RGL3: variants seen among roughly 807,000 people sequenced by gnomAD.
The protein encoded by RGL3 is ral guanine nucleotide dissociation stimulator-like 3.
A neutral mutation model predicts 90.6 loss-of-function variants in RGL3; 85 were observed. The ratio of observed to expected loss-of-function variants is 0.94; its 90% CI spans 0.79 to 1.12. The LOEUF (loss-of-function observed/expected upper bound fraction) is 1.12. Among genes scored for constraint, RGL3 ranks in the 50% most tolerant of loss-of-function variants. The pLI is 0.00. For missense variants in RGL3, 1,034 were observed against 939.2 expected (o/e 1.10, Z -1.32); for synonymous variants, 408 against 385.5 (o/e 1.06, Z -0.68).
chr19:11,416,861 G>A lies in RGL3; in HGVS notation c.346C>T (p.Pro116Ser). Residue 116 changes from proline to serine, a missense_variant, in exon 3 of 19, where the codon CCA becomes TCA. Pro to Ser is a moderately conservative substitution (Grantham distance 74, BLOSUM62 -1). Coordinates refer to ENST00000380456, the MANE Select transcript of RGL3 (RefSeq NM_001035223.4). Reference protein sequence around the residue: ...TACLLGFLLPPMPPPPPPGVE... With the variant: ...TACLLGFLLPSMPPPPPPGVE... The stretch of plus-strand genomic sequence containing the variant: ...CCGGGAGGTGGGGGCGGTGGCATTG[G>A]TGGCAGCAGAAAGCCCAGCAGGCAG... 6.2e-7 allele frequency: 1 copy of A among 1,613,948 alleles called. No individual in the cohort carries two copies. Among genetic ancestry groups the A allele is most frequent in the Non-Finnish European group, 8.5e-7 (1 of 1,179,930 alleles).
intron 7 of RGL3, among the ~76,000 whole-genome samples, chr19:11,405,862 AT>A (rs1968768225): frequency 6.7e-6 from 1 of 148,390 alleles, no homozygotes; most frequent in Admixed American, 6.7e-5. Context: ...CACCCGGCTA[AT>A]TTTTTTGTAA....
At chr19:11,410,725 T>G (rs1377246167) in intron 5 of RGL3, among the ~76,000 whole-genome samples, 1 of 151,296 alleles carries the variant, frequency 6.6e-6, no homozygotes, top group Admixed American at 6.6e-5. Flanking sequence ...GAAAAAAAAA[T>G]GCCCTACATC....
chr19:11,397,601 C>T lies in RGL3; in HGVS notation c.1747-4G>A. 1 of 1,545,652 alleles carries T rather than the reference C, an allele frequency of 6.5e-7. No homozygotes were observed. The highest frequency in any genetic ancestry group is 8.7e-7 in the Non-Finnish European group (1 of 1,143,324). ...GCAGGTCCAGGCTCAGGGGCAGCTG[C>T]AGGCAGTAAGGGGTGGAGGCTACAG... On this transcript the variant is annotated splice_region_variant and splice_polypyrimidine_tract_variant and intron_variant, in intron 16 of 18. Coordinates refer to ENST00000380456, the MANE Select transcript of RGL3 (RefSeq NM_001035223.4).
chr19:11,418,893 C>G, intron 1 of RGL3, 109 bp from the exon 2 acceptor site: 3 of 879,688 alleles, frequency 3.4e-6, no homozygotes, highest in Non-Finnish European at 5.0e-6. Flanking sequence ...CCCCACGCCC[C>G]TTCCCGGCCA....
At chr19:11,403,669 CA>C (rs1007541751) in intron 9 of RGL3, among the ~76,000 whole-genome samples, 12 of 147,940 alleles carry the variant, frequency 8.1e-5, no homozygotes, top group Non-Finnish European at 1.8e-4. Flanking sequence ...AAAAAGAAGC[CA>C]GGGGTTAAGG....
At position 11,418,618 on chromosome 19, in the gene RGL3, G is replaced by T. The variant is rs113730503; in HGVS notation, c.147+53C>A. ...GGCCTGTGCTCGGCTCTCCAGCTCCGCCCTCAACTGGTCGCTTCCGGCCCC... is the reference window on the plus strand; with the variant it reads ...GGCCTGTGCTCGGCTCTCCAGCTCCTCCCTCAACTGGTCGCTTCCGGCCCC... On this transcript the variant is annotated intron_variant, in intron 2 of 18. Coordinates refer to ENST00000380456, the MANE Select transcript of RGL3 (RefSeq NM_001035223.4). The T allele has an allele frequency of 2.2e-4, 314 of 1,397,538 alleles. 2 individuals carry two copies. The African/African-American group carries it at 3.9e-3, about 18-fold the overall frequency. 86.6% of individuals were successfully genotyped at this position (1,397,538 alleles called of 1,614,324 possible). A position where few individuals can be genotyped will look rare whatever the true frequency, so the allele number is the denominator to read the frequency against.
intron 9 of RGL3, among the ~76,000 whole-genome samples, chr19:11,403,094 G>A (rs1033441831): frequency 2.6e-5 from 4 of 151,862 alleles, no homozygotes; most frequent in African/African-American, 7.2e-5. Context: ...GAGTGCAGTG[G>A]CGCGATCTCG....
intron 5 of RGL3, 31 bp downstream of exon 5, chr19:11,415,906 C>T (rs1197075453): frequency 6.3e-7 from 1 of 1,575,086 alleles, no homozygotes; most frequent in Admixed American, 1.9e-5. Context: ...AAGGCCTTCT[C>T]AGAACACGAC....
intron 18 of RGL3, among the ~76,000 whole-genome samples, 157 bp downstream of exon 18, chr19:11,397,087 T>A (rs143896532): frequency 2.0e-5 from 3 of 152,148 alleles, no homozygotes; most frequent in African/African-American, 7.2e-5. Context: ...GTATTTTATG[T>A]CCTCTTACCT....
rs146472545 is a variant in RGL3 at position 11,400,066 on chromosome 19, G to A, written c.1623C>T (p.Pro541=). The part of the protein sequence containing the change: ...REKSSSPSGS[P]GDPSSPTSSV... Reference sequence around the variant, plus strand: ...TGGAGGTGGGGGATGAGGGGTCCCCGGGACTCCCACTAGGTGATGAGCTTT... The same window carrying A: ...TGGAGGTGGGGGATGAGGGGTCCCCAGGACTCCCACTAGGTGATGAGCTTT... Residue 541 remains proline (P), a synonymous_variant, in exon 15 of 19, where the codon CCC becomes CCT. Coordinates refer to ENST00000380456, the MANE Select transcript of RGL3 (RefSeq NM_001035223.4). 40 of 1,609,930 alleles carry A rather than the reference G, an allele frequency of 2.5e-5. No homozygotes were observed. The highest frequency in any genetic ancestry group is 1.3e-4 in the South Asian group (12 of 90,656).
At chr19:11,415,651 T>C (rs1171267659) in intron 5 of RGL3, among the ~76,000 whole-genome samples, 2 of 151,954 alleles carry the variant, frequency 1.3e-5, no homozygotes, top group African/African-American at 2.4e-5. Flanking sequence ...AATTTTGTAT[T>C]TTTAGTAGGG....
rs193102453 is a variant in RGL3, at chr19:11,394,088, C to T, written c.*314G>A. 13 of 271,296 alleles carry T rather than the reference C, an allele frequency of 4.8e-5. No individual in the cohort carries two copies. The East Asian group carries it at 4.9e-4, about 10-fold the overall frequency. 16.8% of individuals were successfully genotyped at this position (271,296 alleles called of 1,614,324 possible). ...CATAACTCTGGTCACTATTTTCATC[C>T]GCATCTGTCACTTCTGATGCGTCTC... On this transcript the variant is annotated 3_prime_UTR_variant, in exon 19 of 19. Transcript: ENST00000380456.
chr19:11,418,409 T>C (rs1969040698), intron 2 of RGL3: 2 of 526,534 alleles, frequency 3.8e-6, no homozygotes, highest in South Asian at 2.4e-5. Flanking sequence ...AACTCTGCCG[T>C]CCAGTTCTGT....
rs1185070890 is a variant in RGL3 at position 11,397,614 on chromosome 19, G to T, written c.1747-17C>A. The T allele has an allele frequency of 6.5e-7, 1 of 1,527,108 alleles. No individual in the cohort carries two copies. Among genetic ancestry groups the T allele is most frequent in the East Asian group, 2.4e-5 (1 of 40,966 alleles). 94.6% of individuals were successfully genotyped at this position (1,527,108 alleles called of 1,614,324 possible). A position where few individuals can be genotyped will look rare whatever the true frequency, so the allele number is the denominator to read the frequency against. On this transcript the variant is annotated splice_polypyrimidine_tract_variant and intron_variant, in intron 16 of 18. Coordinates refer to ENST00000380456, the MANE Select transcript of RGL3 (RefSeq NM_001035223.4). ...CAGGGGCAGCTGCAGGCAGTAAGGG[G>T]TGGAGGCTACAGCTTGGCCCATCTG...
chr19:11,417,764 C>T (rs1247418629), intron 2 of RGL3, among the ~76,000 whole-genome samples: 1 of 152,184 alleles, frequency 6.6e-6, no homozygotes, highest in Non-Finnish European at 1.5e-5. Flanking sequence ...GCCACCTCGC[C>T]CCGCCTGTAG....
chr19:11,416,889 A>T lies in RGL3; in HGVS notation c.318T>A (p.Thr106=). The T allele has an allele frequency of 6.2e-7, 1 of 1,614,116 alleles. No individual in the cohort carries two copies. Among genetic ancestry groups the T allele is most frequent in the Non-Finnish European group, 8.5e-7 (1 of 1,180,000 alleles). Residue 106 remains threonine, a synonymous_variant, in exon 3 of 19, where the codon ACT becomes ACA. Transcript: ENST00000380456. ...FLATYRTFVP[T]ACLLGFLLPP... ...GCAGCAGAAAGCCCAGCAGGCAGGCAGTGGGTACAAAGGTCCGGTAGGTGG... is the reference window on the plus strand; with the variant it reads ...GCAGCAGAAAGCCCAGCAGGCAGGCTGTGGGTACAAAGGTCCGGTAGGTGG...
chr19:11,407,558 C>T (rs1284366491), intron 5 of RGL3, among the ~76,000 whole-genome samples: 6 of 151,960 alleles, frequency 3.9e-5, no homozygotes. Context: ...ATTAATCTGA[C>T]CTCTTTTTTT....
chr19:11,414,516 T>TTC (rs1568342067), intron 5 of RGL3, among the ~76,000 whole-genome samples: 1 of 100,636 alleles, frequency 9.9e-6, no homozygotes, highest in African/African-American at 3.8e-5. Flanking sequence ...TATATATATA[T>TTC]ATATATATAT....
chr19:11,417,749 C>T (rs561232030), intron 2 of RGL3, among the ~76,000 whole-genome samples: 2 of 152,206 alleles, frequency 1.3e-5, no homozygotes, highest in South Asian at 2.1e-4. Flanking sequence ...GGATTACAGG[C>T]GTGAGCCACC....
Sources: gnomAD v4.1 joint callset for allele counts (sites outside exome capture counted in the v4.1 genomes callset) on GRCh38, gnomAD v4.1.1 for gene constraint, MANE v1.5 for transcripts, NCBI Gene and HGNC (gene_info 2026-07-23, HGNC 2026-07-21) for gene names.